TTC39B: variants seen among roughly 807,000 people sequenced by gnomAD.
The protein encoded by TTC39B is tetratricopeptide repeat domain 39B.
A neutral mutation model predicts 96.6 loss-of-function variants in TTC39B; 92 were observed. That is an observed-to-expected ratio of 0.95 (90% CI 0.80 to 1.13). The LOEUF is 1.13. Among genes scored for constraint, TTC39B ranks in the 50% most tolerant of loss-of-function variants. The probability of loss-of-function intolerance (pLI) is 0.00; values close to 1 mark genes in which losing one functional copy is unlikely to be tolerated. For missense variants in TTC39B, 955 were observed against 809.3 expected (o/e 1.18, Z -2.18); for synonymous variants, 367 against 299.4 (o/e 1.23, Z -2.33).
At chr9:15,227,581 C>T (rs525147) in intron 2 of TTC39B, among the ~76,000 whole-genome samples, 7,176 of 152,138 alleles carry the variant, frequency 0.047, 530 homozygotes, top group African/African-American at 0.16. Flanking sequence ...ATTTCCATCA[C>T]AAAAACTTCT....
At chr9:15,213,758 T>C (rs1413142374) in intron 4 of TTC39B, among the ~76,000 whole-genome samples, 2 of 152,226 alleles carry the variant, frequency 1.3e-5, no homozygotes, top group African/African-American at 2.4e-5. Flanking sequence ...AATTTCTTAA[T>C]AGCATTGAGA....
intron 1 of TTC39B, among the ~76,000 whole-genome samples, chr9:15,272,467 A>C (rs1368101861): frequency 6.6e-6 from 1 of 152,162 alleles, no homozygotes; most frequent in Non-Finnish European, 1.5e-5. Flanking sequence ...CTGCCAACAA[A>C]TACAAAGTGT....
At chr9:15,293,301 C>A (rs1476370251) in intron 1 of TTC39B, among the ~76,000 whole-genome samples, 1 of 152,136 alleles carries the variant, frequency 6.6e-6, no homozygotes, top group Non-Finnish European at 1.5e-5. Context: ...ACAATGATGA[C>A]ATTGCCTCAT....
At chr9:15,242,057 G>C (rs941009135) in intron 2 of TTC39B, among the ~76,000 whole-genome samples, 3 of 151,968 alleles carry the variant, frequency 2.0e-5, no homozygotes, top group African/African-American at 7.3e-5. Flanking sequence ...AATTAACTCT[G>C]ACTTAAAAAT....
intron 1 of TTC39B, among the ~76,000 whole-genome samples, chr9:15,289,674 A>AT (rs996338210): frequency 3.7e-4 from 56 of 151,960 alleles, no homozygotes; most frequent in Middle Eastern, 3.4e-3. Flanking sequence ...AAAGAGGCTG[A>AT]TTTTTTTTTA....
At chr9:15,233,481 C>G (rs518832) in intron 2 of TTC39B, among the ~76,000 whole-genome samples, 19,128 of 140,696 alleles carry the variant, frequency 0.14, 1,514 homozygotes, top group Non-Finnish European at 0.17. Context: ...TCAGCCTGCC[C>G]AGTGCCTGCG....
chr9:15,188,908 T>C (rs1818690127), intron 13 of TTC39B, among the ~76,000 whole-genome samples: 1 of 152,168 alleles, frequency 6.6e-6, no homozygotes. Context: ...TCACAACAGT[T>C]TGTAGTGGCC....
intron 1 of TTC39B, among the ~76,000 whole-genome samples, chr9:15,270,242 C>T (rs941223391): frequency 2.0e-5 from 3 of 151,956 alleles, no homozygotes; most frequent in Non-Finnish European, 4.4e-5. Flanking sequence ...TATTAATCTA[C>T]ATTAATATCA....
Position 15,203,934 on chromosome 9 carries a change from C to G in TTC39B, c.692-44G>C, listed in dbSNP as rs1334295741. Reference sequence around the variant, plus strand: ...ATTATATTAAGTAAAATCACACATCCAAAGTGATTGCTCTGTGATGTTCAG... The same window carrying G: ...ATTATATTAAGTAAAATCACACATCGAAAGTGATTGCTCTGTGATGTTCAG... On this transcript the variant is annotated intron_variant, in intron 6 of 19. Transcript: ENST00000512701. 5 of 1,526,408 alleles carry G rather than the reference C, an allele frequency of 3.3e-6. No individual in the cohort carries two copies. The African/African-American group carries it at 5.5e-5, about 17-fold the overall frequency. 94.6% of individuals were successfully genotyped at this position (1,526,408 alleles called of 1,614,324 possible).
exon 11 of TTC39B, chr9:15,190,567 G>T (rs1818797380): frequency 1.9e-6 from 3 of 1,613,430 alleles, no homozygotes; most frequent in Non-Finnish European, 2.5e-6. Flanking sequence ...GTATTAGGGA[G>T]ATGTAAGTAT....
chr9:15,261,628 T>G (rs1822948973), intron 2 of TTC39B, among the ~76,000 whole-genome samples: 1 of 152,148 alleles, frequency 6.6e-6, no homozygotes, highest in Non-Finnish European at 1.5e-5. Context: ...CTCTGGCCAC[T>G]GTCCTCAGAA....
intron 1 of TTC39B, among the ~76,000 whole-genome samples, chr9:15,303,576 C>T (rs1259821907): frequency 1.3e-5 from 2 of 151,720 alleles, no homozygotes; most frequent in African/African-American, 2.4e-5. Flanking sequence ...CAGGGTCTCA[C>T]TGCGTTACGC....
intron 2 of TTC39B, among the ~76,000 whole-genome samples, chr9:15,246,193 T>TG (rs575721510): frequency 2.0e-5 from 3 of 152,162 alleles, no homozygotes; most frequent in East Asian, 1.9e-4. Context: ...GCAGAGGTTG[T>TG]GGTGAGCCGA....
Position 15,206,868 on chromosome 9 carries a change from C to T in TTC39B, c.692-2978G>A, listed in dbSNP as rs868695092. On this transcript the variant is annotated intron_variant, in intron 6 of 19. Coordinates refer to ENST00000512701, the Ensembl canonical transcript of TTC39B. ...TTAGGCTTTGTGTCCTCACCCAAAT[C>T]TCATCTTGAATTGTAATCCCCATAA... Among the ~76,000 whole-genome samples the T allele has an allele frequency of 3.3e-5, 5 of 152,254 alleles. No homozygotes were observed. The South Asian group carries it at 6.2e-4, about 19-fold the overall frequency.
intron 1 of TTC39B, among the ~76,000 whole-genome samples, chr9:15,299,121 C>T (rs1824487379): frequency 6.6e-6 from 1 of 152,220 alleles, no homozygotes; most frequent in Non-Finnish European, 1.5e-5. Context: ...TAGACCATAA[C>T]CTGAGGCAGG....
At chr9:15,270,856 G>T (rs1369120663) in intron 1 of TTC39B, among the ~76,000 whole-genome samples, 1 of 152,132 alleles carries the variant, frequency 6.6e-6, no homozygotes, top group African/African-American at 2.4e-5. Context: ...GTCTATAAAG[G>T]CCAGACAAAA....
intron 2 of TTC39B, among the ~76,000 whole-genome samples, chr9:15,242,850 C>T (rs1188793616): frequency 6.6e-6 from 1 of 152,184 alleles, no homozygotes; most frequent in Non-Finnish European, 1.5e-5. Flanking sequence ...TTGGAATTAT[C>T]ATAAAATAAA....
At chr9:15,285,771 C>G (rs1421866149) in intron 1 of TTC39B, among the ~76,000 whole-genome samples, 2 of 152,146 alleles carry the variant, frequency 1.3e-5, no homozygotes, top group South Asian at 4.1e-4. Context: ...AGGAGAATGG[C>G]GTGAACCCGG....
Position 15,290,013 on chromosome 9 carries a change from C to G in TTC39B, c.240+17071G>C, listed in dbSNP as rs565124730. On this transcript the variant is annotated intron_variant, in intron 1 of 19. Transcript: ENST00000512701. Reference sequence around the variant, plus strand: ...GTGCTCTCCCGGTCTTGATTTGTGACACCTAACACTTGTGCTTTATCCTAA... The same window carrying G: ...GTGCTCTCCCGGTCTTGATTTGTGAGACCTAACACTTGTGCTTTATCCTAA... 3.3e-5 allele frequency among the ~76,000 whole-genome samples: 5 copies of G among 152,266 alleles called. No homozygotes were observed. The South Asian group carries it at 1.0e-3, about 32-fold the overall frequency.
Sources: gnomAD v4.1 joint callset for allele counts (sites outside exome capture counted in the v4.1 genomes callset) on GRCh38, gnomAD v4.1.1 for gene constraint, MANE v1.5 for transcripts, NCBI Gene and HGNC (gene_info 2026-07-23, HGNC 2026-07-21) for gene names.